The following ARAP2 variants were observed in gnomAD, a reference collection of about 807,000 sequenced individuals.
The protein encoded by ARAP2 is ArfGAP with RhoGAP domain, ankyrin repeat and PH domain 2.
In ARAP2, 148 loss-of-function variants were observed where a neutral mutation model predicts 194.5. The ratio of observed to expected loss-of-function variants is 0.76; its 90% CI spans 0.67 to 0.87. The LOEUF is 0.87. ARAP2 is among the 40% of genes least tolerant of loss of function. The probability of loss-of-function intolerance (pLI) is 0.00; values close to 1 mark genes in which losing one functional copy is unlikely to be tolerated. For missense variants in ARAP2, 2,128 were observed against 1,989.7 expected (o/e 1.07, Z -1.32); for synonymous variants, 695 against 683.5 (o/e 1.02, Z -0.26).
chr4:36,092,096 A>G, intron 27 of ARAP2, 76 bp from the exon 28 acceptor site: 1 of 1,404,082 alleles, frequency 7.1e-7, no homozygotes, highest in Non-Finnish European at 9.5e-7. Flanking sequence ...ACATTTCTAT[A>G]TTGTCATATA....
chr4:36,044,501 T>C (rs1408389084), intron 5 of ARAP2, among the ~76,000 whole-genome samples: 2 of 152,178 alleles, frequency 1.3e-5, no homozygotes, highest in African/African-American at 4.8e-5. Flanking sequence ...TAATTGGCTA[T>C]TCACTTGCTG....
chr4:36,177,327 C>T (rs578083893), intron 9 of ARAP2, among the ~76,000 whole-genome samples: 75 of 152,072 alleles, frequency 4.9e-4, no homozygotes, highest in Admixed American at 1.5e-3. Flanking sequence ...CTTATATAGA[C>T]GTGTGTGTGT....
chr4:36,177,733 C>G, intron 9 of ARAP2, 94 bp downstream of exon 9: 1 of 1,298,402 alleles, frequency 7.7e-7, no homozygotes, highest in African/African-American at 1.5e-5. Context: ...AAACAAGACT[C>G]TATAAGTAAA....
intron 1 of ARAP2, among the ~76,000 whole-genome samples, chr4:36,236,722 G>A (rs1752523516): frequency 6.6e-6 from 1 of 152,174 alleles, no homozygotes; most frequent in Non-Finnish European, 1.5e-5. Flanking sequence ...CAATGGATTG[G>A]AACTATATCC....
chr4:36,068,485 T>G (rs1726039118), intron 32 of ARAP2, among the ~76,000 whole-genome samples: 1 of 152,234 alleles, frequency 6.6e-6, no homozygotes, highest in Admixed American at 6.5e-5. Context: ...GTCCCTGGCT[T>G]ACAATGCCTC....
chr4:36,105,610 T>C (rs1718185949), intron 27 of ARAP2, among the ~76,000 whole-genome samples: 1 of 151,996 alleles, frequency 6.6e-6, no homozygotes, highest in South Asian at 2.1e-4. Context: ...GCTGTCACTG[T>C]ACCATTTCTT....
chr4:36,065,496 G>T, downstream of ARAP2: 1 of 313,466 alleles, frequency 3.2e-6, no homozygotes, highest in African/African-American at 2.2e-5. Context: ...CTAGAAATGG[G>T]GACAGCATCT....
intron 6 of ARAP2, among the ~76,000 whole-genome samples, chr4:36,200,482 C>T (rs1744138670): frequency 6.6e-6 from 1 of 151,976 alleles, no homozygotes. Flanking sequence ...CTCAAACTCC[C>T]AACCTCAGGT....
intron 19 of ARAP2, among the ~76,000 whole-genome samples, chr4:36,139,396 A>G (rs1175381888): frequency 1.3e-5 from 2 of 151,644 alleles, no homozygotes; most frequent in Admixed American, 1.3e-4. Context: ...CTTCTGTCCT[A>G]TCTTCTAGTT....
At chr4:36,151,106 A>G in intron 15 of ARAP2, 62 bp from the exon 16 acceptor site, 1 of 1,399,052 alleles carries the variant, frequency 7.1e-7, no homozygotes. Context: ...TTTTAAAAAC[A>G]AAAACATACT....
intron 9 of ARAP2, among the ~76,000 whole-genome samples, chr4:36,010,362 A>G (rs780786655): frequency 9.2e-5 from 14 of 152,216 alleles, no homozygotes; most frequent in Admixed American, 2.0e-4. Context: ...CTAATTCTAT[A>G]CAACGGTCTA....
chr4:36,079,625 T>C (rs1005422724), intron 31 of ARAP2, among the ~76,000 whole-genome samples: 1 of 152,162 alleles, frequency 6.6e-6, no homozygotes, highest in African/African-American at 2.4e-5. Flanking sequence ...AATACGGAAC[T>C]GAGTATAAGC....
intron 8 of ARAP2, 73 bp downstream of exon 8, chr4:36,187,378 C>A: frequency 1.2e-6 from 1 of 825,544 alleles, no homozygotes; most frequent in South Asian, 4.3e-5. Flanking sequence ...CTTGACATTC[C>A]TAGTCTAACT....
In ARAP2 at chr4:36,109,010, T is replaced by C. The variant is rs180860511; in HGVS notation, c.4157-1317A>G. Among the ~76,000 whole-genome samples, 51 of 152,090 alleles carry C rather than the reference T, an allele frequency of 3.4e-4. No individual in the cohort carries two copies. In the East Asian group the frequency reaches 9.4e-3, roughly 28 times the overall value. Reference sequence around the variant, plus strand: ...GGCTAAAGACAAACAGGAAAGAGCATATCAAAAGCATCATACTTGTATGAT... The same window carrying C: ...GGCTAAAGACAAACAGGAAAGAGCACATCAAAAGCATCATACTTGTATGAT... On this transcript the variant is annotated intron_variant, in intron 26 of 32. Coordinates refer to ENST00000303965, the MANE Select transcript of ARAP2 (RefSeq NM_015230.4).
At chr4:36,169,402 C>A (rs78403074) in intron 9 of ARAP2, among the ~76,000 whole-genome samples, 1 of 152,154 alleles carries the variant, frequency 6.6e-6, no homozygotes, top group Non-Finnish European at 1.5e-5. Context: ...AAGGCTCCTG[C>A]ATGAATAGAT....
intron 27 of ARAP2, among the ~76,000 whole-genome samples, chr4:36,099,820 T>C (rs1033681321): frequency 2.0e-5 from 3 of 152,024 alleles, no homozygotes; most frequent in Non-Finnish European, 4.4e-5. Flanking sequence ...CCAGTGGATG[T>C]GGTATATAAA....
In ARAP2 at chr4:36,228,981, G is replaced by T. The variant is rs550437677; in HGVS notation, c.506C>A (p.Ser169Tyr). 6.2e-7 allele frequency: 1 copy of T among 1,614,030 alleles called. No homozygotes were observed. The highest frequency in any genetic ancestry group is 8.5e-7 in the Non-Finnish European group (1 of 1,179,980). The change falls in exon 2 of 33, where the codon TCT becomes TAT. Residue 169 changes from serine to tyrosine, a missense_variant. Physicochemically the swap from Ser to Tyr is moderately radical, Grantham distance 144 (BLOSUM62 -2). Transcript: ENST00000303965. ...PHLNLGSLND[S>Y]LFGSDNIKIE... The stretch of plus-strand genomic sequence containing the variant: ...TTTAATATTGTCACTACCAAATAAA[G>T]AATCATTCAAAGAACCCAAATTCAG...
At chr4:36,020,199 T>C (rs1430475302) in intron 5 of ARAP2, among the ~76,000 whole-genome samples, 1 of 152,154 alleles carries the variant, frequency 6.6e-6, no homozygotes, top group East Asian at 1.9e-4. Flanking sequence ...TCAGCTGCTG[T>C]CAGGAGTTCA....
At chr4:36,161,846 C>T (rs1032903328) in intron 11 of ARAP2, among the ~76,000 whole-genome samples, 3 of 147,782 alleles carry the variant, frequency 2.0e-5, no homozygotes, top group Non-Finnish European at 4.4e-5. Flanking sequence ...CGGTGGCTCA[C>T]GCCTGTAATC....
Sources: allele counts gnomAD v4.1 joint callset (sites outside exome capture counted in the v4.1 genomes callset), GRCh38; gene constraint gnomAD v4.1.1; transcripts MANE v1.5; gene names NCBI Gene and HGNC (gene_info 2026-07-23, HGNC 2026-07-21).